The following TRAF3 variants were observed in gnomAD, a reference collection of about 807,000 sequenced individuals.
TRAF3 encodes the protein TNF receptor-associated factor 3.
In TRAF3, 13 loss-of-function variants were observed where a neutral mutation model predicts 62.3. That is an observed-to-expected ratio of 0.21 (90% CI 0.14 to 0.33). The LOEUF (loss-of-function observed/expected upper bound fraction) is 0.33, where lower values mean the gene tolerates loss of function less well. Ranked by LOEUF, TRAF3 falls within the 10% of genes least tolerant of loss-of-function variation. TRAF3 has a pLI of 1.00. For missense variants in TRAF3, 440 were observed against 741.8 expected (o/e 0.59, Z 4.73); for synonymous variants, 269 against 283.4 (o/e 0.95, Z 0.51).
chr14:102,846,813 G>GTGACA (rs1886754395), intron 2 of TRAF3, among the ~76,000 whole-genome samples: 1 of 151,996 alleles, frequency 6.6e-6, no homozygotes, highest in South Asian at 2.1e-4. Context: ...AAGATGCTGC[G>GTGACA]TCAACAAATC....
intron 3 of TRAF3, 94 bp from the exon 4 acceptor site, chr14:102,871,823 A>G (rs1888358399): frequency 4.2e-6 from 5 of 1,183,612 alleles, no homozygotes; most frequent in Non-Finnish European, 6.3e-6. Context: ...GCCACTGTGC[A>G]GACCTGACCA....
chr14:102,872,696 TTTC>T (rs1266480432), intron 4 of TRAF3, among the ~76,000 whole-genome samples: 3 of 116,244 alleles, frequency 2.6e-5, no homozygotes, highest in Non-Finnish European at 4.7e-5. Flanking sequence ...CTTTCTTCTT[TTTC>T]TTTTTTTTTT....
chr14:102,810,351 T>G lies in TRAF3; in HGVS notation c.-156-19983T>G, dbSNP rs141786091. Among the ~76,000 whole-genome samples, 1,158 of 152,286 alleles carry G rather than the reference T, an allele frequency of 7.6e-3. 18 individuals are homozygous for G. Among genetic ancestry groups the G allele is most frequent in the African/African-American group, 0.027 (1,101 of 41,546 alleles). On this transcript the variant is annotated intron_variant, in intron 1 of 11. Coordinates refer to ENST00000392745, the MANE Select transcript of TRAF3 (RefSeq NM_145725.3). ...AACATAGGGTGACCTCAGTGTGTGG[T>G]GAGGACAGTGATCATGGCCCCTTTT...
In TRAF3 at chr14:102,898,601, C is replaced by T. The variant is rs367717298; in HGVS notation, c.960+1200C>T. ...GGGCTCAGAGAGGCACTGGAAAGGC[C>T]GGGGAAATCACCTCTTAAAATAGCC... On this transcript the variant is annotated intron_variant, in intron 10 of 11. Transcript: ENST00000392745. Among the ~76,000 whole-genome samples the T allele has an allele frequency of 2.0e-5, 3 of 152,270 alleles. No homozygotes were observed. The East Asian group carries it at 5.8e-4, about 29-fold the overall frequency.
At chr14:102,862,450 G>T (rs1887736818) in intron 2 of TRAF3, among the ~76,000 whole-genome samples, 2 of 149,080 alleles carry the variant, frequency 1.3e-5, no homozygotes, top group South Asian at 2.1e-4. Context: ...TTTTCTTTCA[G>T]CCCTTTAATT....
intron 1 of TRAF3, among the ~76,000 whole-genome samples, chr14:102,792,113 CTTTTTTT>C (rs35895214): frequency 7.2e-5 from 7 of 97,694 alleles, no homozygotes; most frequent in South Asian, 3.3e-4. Context: ...TGTGCCTGGA[CTTTTTTT>C]TTTTTTTTTT....
intron 4 of TRAF3, among the ~76,000 whole-genome samples, chr14:102,874,543 G>A (rs534128526): frequency 6.6e-6 from 1 of 152,082 alleles, no homozygotes; most frequent in Non-Finnish European, 1.5e-5. Flanking sequence ...ACAGAGGTGA[G>A]TCACTGTTCC....
intron 3 of TRAF3, among the ~76,000 whole-genome samples, chr14:102,870,726 T>C (rs1012993546): frequency 6.6e-6 from 1 of 152,162 alleles, no homozygotes; most frequent in Non-Finnish European, 1.5e-5. Flanking sequence ...TGTATTTTAT[T>C]GAGGAACCTC....
chr14:102,887,506 T>G (rs1889461527), intron 7 of TRAF3, among the ~76,000 whole-genome samples: 1 of 152,164 alleles, frequency 6.6e-6, no homozygotes, highest in African/African-American at 2.4e-5. Context: ...AATCTGCCCC[T>G]GGGAGGAGCT....
chr14:102,834,650 T>A (rs1233874491), intron 2 of TRAF3, among the ~76,000 whole-genome samples: 1 of 128,962 alleles, frequency 7.8e-6, no homozygotes, highest in African/African-American at 3.2e-5. Flanking sequence ...ACTGCGCCAC[T>A]GCACTCCAGC....
chr14:102,881,031 T>G (rs1889023843), intron 6 of TRAF3, among the ~76,000 whole-genome samples: 1 of 151,976 alleles, frequency 6.6e-6, no homozygotes, highest in Non-Finnish European at 1.5e-5. Context: ...AGGCGTAGGT[T>G]GCAGTGACCC....
intron 4 of TRAF3, among the ~76,000 whole-genome samples, chr14:102,874,369 G>C (rs1452654703): frequency 5.3e-5 from 8 of 152,130 alleles, no homozygotes; most frequent in Admixed American, 5.2e-4. Context: ...CGATTCCCCT[G>C]CCTCAGCCTC....
chr14:102,839,742 C>T (rs899303917), intron 2 of TRAF3, among the ~76,000 whole-genome samples: 1 of 152,192 alleles, frequency 6.6e-6, no homozygotes, highest in Non-Finnish European at 1.5e-5. Flanking sequence ...TTTATGTTCT[C>T]ATAGTATCTT....
intron 10 of TRAF3, among the ~76,000 whole-genome samples, chr14:102,900,959 G>T (rs1218817441): frequency 6.6e-6 from 1 of 152,158 alleles, no homozygotes; most frequent in Non-Finnish European, 1.5e-5. Context: ...GTTCTTCAAG[G>T]ATGAAATCAC....
At chr14:102,890,557 T>G (rs1889651106) in intron 8 of TRAF3, among the ~76,000 whole-genome samples, 1 of 152,238 alleles carries the variant, frequency 6.6e-6, no homozygotes, top group South Asian at 2.1e-4. Flanking sequence ...AACACTTATA[T>G]CAACATATAT....
At chr14:102,858,562 A>T (rs1887511437) in intron 2 of TRAF3, among the ~76,000 whole-genome samples, 1 of 152,226 alleles carries the variant, frequency 6.6e-6, no homozygotes, top group Non-Finnish European at 1.5e-5. Flanking sequence ...TTTGAAGAGG[A>T]TCAACACAGC....
In TRAF3 at chr14:102,870,255, G is replaced by A. The variant is rs775197332; in HGVS notation, c.54G>A (p.Pro18=). ...DSPGALQTNP[P]LKLHTDRSAG... ...CTGGCGCGCTGCAGACTAACCCGCC[G>A]CTAAAGCTGCACACTGACCGCAGTG... Residue 18 remains proline, a synonymous_variant, in exon 3 of 12, where the codon CCG becomes CCA. Coordinates refer to ENST00000392745, the MANE Select transcript of TRAF3 (RefSeq NM_145725.3). 8 of 1,614,018 alleles carry A rather than the reference G, an allele frequency of 5.0e-6. No individual in the cohort carries two copies. The highest frequency in any genetic ancestry group is 2.2e-5 in the East Asian group (1 of 44,880).
At chr14:102,786,747 G>A (rs1897522263) in intron 1 of TRAF3, among the ~76,000 whole-genome samples, 1 of 152,094 alleles carries the variant, frequency 6.6e-6, no homozygotes, top group Non-Finnish European at 1.5e-5. Context: ...CACTTTGAGA[G>A]GATGAGGCGG....
Position 102,905,265 on chromosome 14 carries a change from C to T in TRAF3, c.1188C>T (p.Asp396=). The change falls in exon 12 of 12, where the codon GAC becomes GAT. Residue 396 remains aspartate (D), a synonymous_variant. Coordinates refer to ENST00000392745, the MANE Select transcript of TRAF3 (RefSeq NM_145725.3). Reference sequence around the variant, plus strand: ...ATGACCAGATGCTGAGTGTGCACGACATCCGCCTAGCCGACATGGACCTGC... The same window carrying T: ...ATGACCAGATGCTGAGTGTGCACGATATCCGCCTAGCCGACATGGACCTGC... ...SRHDQMLSVH[D]IRLADMDLRF... The T allele has an allele frequency of 6.2e-7, 1 of 1,614,238 alleles. No homozygotes were observed. Among genetic ancestry groups the T allele is most frequent in the Non-Finnish European group, 8.5e-7 (1 of 1,180,056 alleles).
Sources: gnomAD v4.1 joint callset for allele counts (sites outside exome capture counted in the v4.1 genomes callset) on GRCh38, gnomAD v4.1.1 for gene constraint, MANE v1.5 for transcripts, NCBI Gene and HGNC (gene_info 2026-07-23, HGNC 2026-07-21) for gene names.